ATP2B2: variants seen among roughly 807,000 people sequenced by gnomAD.
ATP2B2 encodes the protein plasma membrane calcium-transporting ATPase 2.
A neutral mutation model predicts 120.0 loss-of-function variants in ATP2B2; 15 were observed. That is an observed-to-expected ratio of 0.12 (90% CI 0.08 to 0.19). The LOEUF (loss-of-function observed/expected upper bound fraction) is 0.19. Among genes scored for constraint, ATP2B2 ranks in the 10% least tolerant of loss-of-function variants. The pLI, the probability that ATP2B2 is intolerant of heterozygous loss-of-function variation, is 1.00. For synonymous variants in ATP2B2, 694 were observed against 700.3 expected (o/e 0.99, Z 0.14); for missense variants, 1,045 against 1,719.8 (o/e 0.61, Z 6.94).
intron 1 of ATP2B2, among the ~76,000 whole-genome samples, chr3:10,489,253 A>G (rs909055812): frequency 2.0e-5 from 3 of 151,824 alleles, no homozygotes; most frequent in Non-Finnish European, 2.9e-5. Context: ...TTGACGATCC[A>G]CTCATTTATG....
Position 10,346,175 on chromosome 3 carries a change from C to G in ATP2B2, c.2405-38G>C, listed in dbSNP as rs769948191. 1.2e-6 allele frequency: 2 copies of G among 1,600,058 alleles called. No homozygotes were observed. The highest frequency in any genetic ancestry group is 1.7e-6 in the Non-Finnish European group (2 of 1,175,500). On this transcript the variant is annotated intron_variant, in intron 16 of 22. Coordinates refer to ENST00000360273, the MANE Select transcript of ATP2B2 (RefSeq NM_001001331.4). The surrounding 1 kb of genome is among the most constrained non-coding windows in gnomAD (Gnocchi z 4.1). ...GAGTGTGCTCAGGCCCTGGGCCACT[C>G]AGGTGGGAGGCAGCCTGGGCCAGCC...
chr3:10,356,122 A>G (rs1294081939), intron 14 of ATP2B2, among the ~76,000 whole-genome samples: 2 of 132,396 alleles, frequency 1.5e-5, no homozygotes, highest in African/African-American at 2.8e-5. Flanking sequence ...AAAAAAAAAA[A>G]GAACTACTTG....
At chr3:10,532,306 C>T (rs1247185824) in intron 3 of ATP2B2, among the ~76,000 whole-genome samples, 1 of 152,184 alleles carries the variant, frequency 6.6e-6, no homozygotes, top group African/African-American at 2.4e-5. Context: ...AGAGAGTGCT[C>T]AATAAACACT....
chr3:10,567,637 G>A (rs1358517345), intron 2 of ATP2B2, among the ~76,000 whole-genome samples: 1 of 152,212 alleles, frequency 6.6e-6, no homozygotes, highest in East Asian at 1.9e-4. Context: ...CATGCAAAGT[G>A]TTTTCCACAG....
intron 2 of ATP2B2, among the ~76,000 whole-genome samples, chr3:10,546,940 CCTCT>C (rs909571526): frequency 6.6e-6 from 1 of 152,208 alleles, no homozygotes; most frequent in African/African-American, 2.4e-5. Flanking sequence ...TGCGCAATGT[CCTCT>C]CTGAGTCAAA....
chr3:10,371,663 C>T, intron 12 of ATP2B2, 146 bp downstream of exon 12: 1 of 1,247,322 alleles, frequency 8.0e-7, no homozygotes, highest in Non-Finnish European at 1.1e-6. Context: ...TTAACTCAAA[C>T]AGAAACATGT....
chr3:10,464,085 A>AC (rs2064622647), intron 1 of ATP2B2, among the ~76,000 whole-genome samples: 1 of 152,128 alleles, frequency 6.6e-6, no homozygotes, highest in Admixed American at 6.5e-5. Flanking sequence ...CTGAAGTGTG[A>AC]CCATGGGGGG....
At chr3:10,559,776 C>T (rs776898000) in intron 2 of ATP2B2, among the ~76,000 whole-genome samples, 2 of 152,228 alleles carry the variant, frequency 1.3e-5, no homozygotes, top group Non-Finnish European at 2.9e-5. Flanking sequence ...CAAGGAGACA[C>T]AAGTTCCACC....
intron 2 of ATP2B2, among the ~76,000 whole-genome samples, chr3:10,612,905 T>A (rs956420438): frequency 8.5e-5 from 13 of 152,316 alleles, no homozygotes; most frequent in Non-Finnish European, 1.9e-4. Flanking sequence ...TCCCACATGG[T>A]AGGAGTATCT....
intron 5 of ATP2B2, among the ~76,000 whole-genome samples, chr3:10,398,893 GC>G (rs1023573440): frequency 2.6e-5 from 4 of 152,094 alleles, no homozygotes; most frequent in African/African-American, 9.7e-5. Flanking sequence ...GGGCCCTCCT[GC>G]CCCTGCTCCG....
chr3:10,459,850 T>C (rs1276040683), intron 1 of ATP2B2, among the ~76,000 whole-genome samples: 2 of 152,220 alleles, frequency 1.3e-5, no homozygotes, highest in African/African-American at 4.8e-5. Flanking sequence ...GAGTGTGCAG[T>C]GATTGGTGTA....
chr3:10,498,795 A>G (rs2066262794), intron 1 of ATP2B2, among the ~76,000 whole-genome samples: 1 of 152,250 alleles, frequency 6.6e-6, no homozygotes, highest in Admixed American at 6.5e-5. Context: ...GGCTCCACCA[A>G]TCCCATATGC....
chr3:10,451,279 G>A lies in ATP2B2; in HGVS notation c.-319-1417C>T, dbSNP rs141997017. On this transcript the variant is annotated intron_variant, in intron 1 of 22. Coordinates refer to ENST00000360273, the MANE Select transcript of ATP2B2 (RefSeq NM_001001331.4). ...TTGTCTCCGAAGAGCCCTGGTGGGT[G>A]GGTGGACTGTGCCAGGCAGCCGCTA... 4.3e-3 allele frequency among the ~76,000 whole-genome samples: 650 copies of A among 152,292 alleles called. 5 individuals carry two copies. The highest frequency in any genetic ancestry group is 0.015 in the African/African-American group (608 of 41,548).
At chr3:10,473,936 C>A (rs1232994713) in intron 1 of ATP2B2, among the ~76,000 whole-genome samples, 2 of 152,244 alleles carry the variant, frequency 1.3e-5, no homozygotes, top group Non-Finnish European at 2.9e-5. Flanking sequence ...AGAGATGCCT[C>A]TAAAGAATTT....
At chr3:10,363,190 A>T (rs1316333099) in intron 12 of ATP2B2, among the ~76,000 whole-genome samples, 1 of 152,158 alleles carries the variant, frequency 6.6e-6, no homozygotes, top group Non-Finnish European at 1.5e-5. Context: ...CATGAACTTG[A>T]GCTCTGAAAT....
At chr3:10,505,181 C>T (rs889897538) in intron 1 of ATP2B2, among the ~76,000 whole-genome samples, 13 of 152,194 alleles carry the variant, frequency 8.5e-5, no homozygotes, top group African/African-American at 1.9e-4. Context: ...TCCGCTTGTC[C>T]GAGGCCCCCC....
chr3:10,344,649 T>C (rs954365608), intron 18 of ATP2B2, among the ~76,000 whole-genome samples: 5 of 152,160 alleles, frequency 3.3e-5, no homozygotes, highest in South Asian at 4.1e-4. Context: ...GGTCAGCCCC[T>C]GTGGGGAGTA....
At chr3:10,456,783 T>C (rs2064277621) in intron 1 of ATP2B2, among the ~76,000 whole-genome samples, 1 of 152,230 alleles carries the variant, frequency 6.6e-6, no homozygotes, top group Non-Finnish European at 1.5e-5. Flanking sequence ...CTTGATGAAC[T>C]ACTTATAGTT....
At chr3:10,522,513 C>T (rs949393465) in intron 3 of ATP2B2, among the ~76,000 whole-genome samples, 2 of 152,212 alleles carry the variant, frequency 1.3e-5, no homozygotes, top group African/African-American at 4.8e-5. Flanking sequence ...ATAGCTTCTG[C>T]TGAAGCCAGT....
Sources: allele counts gnomAD v4.1 joint callset (sites outside exome capture counted in the v4.1 genomes callset), GRCh38; gene constraint gnomAD v4.1.1; non-coding constraint Gnocchi (gnomAD v3.1); transcripts MANE v1.5; gene names NCBI Gene and HGNC (gene_info 2026-07-23, HGNC 2026-07-21).